Variants in MAST2 observed in about 807,000 individuals in gnomAD.
The protein encoded by MAST2 is microtubule-associated serine/threonine-protein kinase 2.
MAST2 carries 70 observed loss-of-function variants against 147.4 expected under a neutral mutation model. The ratio of observed to expected loss-of-function variants is 0.47; its 90% CI spans 0.39 to 0.58. The LOEUF is 0.58. Among genes scored for constraint, MAST2 ranks in the 20% least tolerant of loss-of-function variants. The pLI is 0.00. For synonymous variants in MAST2, 869 were observed against 896.8 expected (o/e 0.97, Z 0.55); for missense variants, 2,080 against 2,302.3 (o/e 0.90, Z 1.98).
chr1:45,963,785 C>T (rs1321674250), intron 5 of MAST2, among the ~76,000 whole-genome samples: 1 of 152,214 alleles, frequency 6.6e-6, no homozygotes, highest in African/African-American at 2.4e-5. Flanking sequence ...CTGGCCAGAA[C>T]TTCCAACACT....
At chr1:46,002,946 T>C in intron 7 of MAST2, 63 bp downstream of exon 7, 1 of 1,482,996 alleles carries the variant, frequency 6.7e-7, no homozygotes, top group Non-Finnish European at 9.4e-7. Flanking sequence ...CTTTGGGTTA[T>C]CTAGTGTCAC....
chr1:45,831,934 T>C (rs144330492), intron 3 of MAST2, among the ~76,000 whole-genome samples: 1 of 151,896 alleles, frequency 6.6e-6, no homozygotes, highest in African/African-American at 2.4e-5. Context: ...TGCGTACCAC[T>C]ACACCTGGCT....
chr1:45,998,017 T>C (rs1645126918), intron 6 of MAST2, among the ~76,000 whole-genome samples: 1 of 152,214 alleles, frequency 6.6e-6, no homozygotes, highest in African/African-American at 2.4e-5. Flanking sequence ...TGTTTGAATG[T>C]TTAAACAGGA....
chr1:45,999,060 T>C (rs1645171797), intron 6 of MAST2, among the ~76,000 whole-genome samples: 2 of 152,082 alleles, frequency 1.3e-5, no homozygotes, highest in Non-Finnish European at 2.9e-5. Context: ...AAAAAAGACA[T>C]ATTAGGAAAA....
rs1646672829 is a variant in MAST2, at chr1:46,031,603, C to A, written c.3187+18C>A. On this transcript the variant is annotated intron_variant, in intron 24 of 28. Coordinates refer to ENST00000361297, the MANE Select transcript of MAST2 (RefSeq NM_015112.3). The surrounding 1 kb of genome is among the most constrained non-coding windows in gnomAD (Gnocchi z 4.1). ...TCCTTCGGGTGAGGCCCCTGGGGAG[C>A]TGGGATAAAACTCACAGGAAGGGCC... is the stretch of plus-strand genomic sequence containing the variant. 2.5e-6 allele frequency: 4 copies of A among 1,601,858 alleles called. No individual in the cohort carries two copies. The Admixed American group carries it at 6.7e-5, about 27-fold the overall frequency.
chr1:45,849,488 G>C (rs1428416695), intron 3 of MAST2, among the ~76,000 whole-genome samples: 7 of 151,556 alleles, frequency 4.6e-5, no homozygotes, highest in Non-Finnish European at 8.8e-5. Flanking sequence ...TGGGATAACT[G>C]GCTAGCCATA....
intron 3 of MAST2, among the ~76,000 whole-genome samples, chr1:45,863,635 C>T (rs967150635): frequency 9.2e-5 from 14 of 152,192 alleles, no homozygotes; most frequent in Non-Finnish European, 1.5e-5. Context: ...AAGCCCTAGA[C>T]TGTTGGTTGC....
At chr1:45,886,181 T>C (rs1647074471) in intron 4 of MAST2, among the ~76,000 whole-genome samples, 1 of 150,236 alleles carries the variant, frequency 6.7e-6, no homozygotes. Context: ...AGAACAGGAG[T>C]CTGGAATGAG....
intron 4 of MAST2, among the ~76,000 whole-genome samples, chr1:45,885,622 G>A (rs1259149191): frequency 1.3e-5 from 2 of 152,066 alleles, no homozygotes; most frequent in African/African-American, 4.8e-5. Context: ...TTTCAGTCAC[G>A]GCACTATTAC....
At chr1:45,868,740 T>A (rs1646262686) in intron 3 of MAST2, among the ~76,000 whole-genome samples, 1 of 152,208 alleles carries the variant, frequency 6.6e-6, no homozygotes, top group South Asian at 2.1e-4. Context: ...GTGATTCAGC[T>A]AATTTTTAGT....
intron 1 of MAST2, among the ~76,000 whole-genome samples, chr1:45,813,735 G>A (rs1301846631): frequency 1.3e-5 from 2 of 152,094 alleles, no homozygotes; most frequent in Non-Finnish European, 2.9e-5. Context: ...CTGACGTCAG[G>A]TGAGCCGCCC....
chr1:45,873,189 A>ATT (rs35141954), intron 3 of MAST2, among the ~76,000 whole-genome samples: 4,932 of 143,238 alleles, frequency 0.034, 269 homozygotes, highest in African/African-American at 0.11. Context: ...TCTTCTTCCT[A>ATT]TTTTTTTTTT....
chr1:45,876,529 C>A (rs1336821889), intron 3 of MAST2, among the ~76,000 whole-genome samples: 1 of 152,128 alleles, frequency 6.6e-6, no homozygotes, highest in Non-Finnish European at 1.5e-5. Flanking sequence ...GTATTACCAG[C>A]CTAGTTGCTG....
chr1:45,941,253 TTTTA>T (rs1475612369), intron 4 of MAST2, among the ~76,000 whole-genome samples: 2 of 152,120 alleles, frequency 1.3e-5, no homozygotes, highest in African/African-American at 2.4e-5. Context: ...GTTTTTGTTT[TTTTA>T]TTTGTTTGTT....
Position 45,943,705 on chromosome 1 carries a change from C to T in MAST2, c.501-15681C>T, listed in dbSNP as rs189753706. ...AGGTTGCCGTGAGCCAAGATCATGC[C>T]GTTGCACTCCAGCCTGGGCAACAAG... On this transcript the variant is annotated intron_variant, in intron 4 of 28. Coordinates refer to ENST00000361297, the MANE Select transcript of MAST2 (RefSeq NM_015112.3). Among the ~76,000 whole-genome samples, 45 of 152,126 alleles carry T rather than the reference C, an allele frequency of 3.0e-4. 1 individual carries two copies. The Middle Eastern group carries it at 0.014, about 46-fold the overall frequency.
intron 4 of MAST2, among the ~76,000 whole-genome samples, chr1:45,899,102 C>G (rs1417877903): frequency 6.6e-6 from 1 of 152,042 alleles, no homozygotes; most frequent in East Asian, 1.9e-4. Flanking sequence ...GCAATTCAGC[C>G]CACCAAGCAG....
intron 4 of MAST2, among the ~76,000 whole-genome samples, chr1:45,956,518 G>A (rs1049955870): frequency 1.3e-5 from 2 of 152,276 alleles, no homozygotes; most frequent in Non-Finnish European, 2.9e-5. Flanking sequence ...CCTTGTTATG[G>A]TCTATGGAAG....
intron 4 of MAST2, among the ~76,000 whole-genome samples, chr1:45,893,599 TA>T (rs35793282): frequency 0.3 from 43,269 of 143,362 alleles, 6,390 homozygotes; most frequent in Middle Eastern, 0.38. Flanking sequence ...TAGGATATTT[TA>T]AAAAAAAAAA....
intron 5 of MAST2, among the ~76,000 whole-genome samples, chr1:45,975,831 C>CT (rs1178051186): frequency 2.0e-5 from 3 of 151,926 alleles, no homozygotes; most frequent in African/African-American, 4.8e-5. Context: ...GGCATGGACT[C>CT]TTTTTTACCT....
Sources: allele counts gnomAD v4.1 joint callset (sites outside exome capture counted in the v4.1 genomes callset), GRCh38; gene constraint gnomAD v4.1.1; non-coding constraint Gnocchi (gnomAD v3.1); transcripts MANE v1.5; gene names NCBI Gene and HGNC (gene_info 2026-07-23, HGNC 2026-07-21).